CGRRF1: variants seen among roughly 807,000 people sequenced by gnomAD.
CGRRF1 encodes the protein cell growth regulator with RING finger domain protein 1.
Under a neutral mutation model 37.2 loss-of-function variants are expected in CGRRF1, and 32 were observed. The ratio of observed to expected loss-of-function variants is 0.86; its 90% CI spans 0.65 to 1.16. The LOEUF is 1.16. Among genes scored for constraint, CGRRF1 ranks in the 50% most tolerant of loss-of-function variants. The probability of loss-of-function intolerance (pLI) is 0.00; values close to 1 mark genes in which losing one functional copy is unlikely to be tolerated. For missense variants in CGRRF1, 391 were observed against 382.6 expected (o/e 1.02, Z -0.18); for synonymous variants, 141 against 140.3 (o/e 1.00, Z -0.04).
intron 1 of CGRRF1, among the ~76,000 whole-genome samples, chr14:54,515,687 A>C (rs1475195429): frequency 6.6e-6 from 1 of 152,212 alleles, no homozygotes; most frequent in Non-Finnish European, 1.5e-5. Flanking sequence ...TCCTGGTAAT[A>C]GTCTTTGCTC....
chr14:54,515,383 C>T (rs140765606), intron 1 of CGRRF1, among the ~76,000 whole-genome samples: 60 of 152,032 alleles, frequency 3.9e-4, no homozygotes, highest in East Asian at 3.1e-3. Context: ...TGAGTCACCG[C>T]GCCCGGCCGG....
Position 54,510,062 on chromosome 14 carries a change from T to C in CGRRF1, c.103T>C (p.Trp35Arg). 6.2e-7 allele frequency: 1 copy of C among 1,603,488 alleles called. No individual in the cohort carries two copies. Among genetic ancestry groups the C allele is most frequent in the Non-Finnish European group, 8.5e-7 (1 of 1,170,532 alleles). ...CGTGACCACCGGCCTGGTATTGGGA[T>C]GGTAAGTGTCCCAGGGGTGAGAGAC... ...FIVTTGLVLG[W>R]FGWDVPVILR... The change falls in exon 1 of 6, where the codon TGG becomes CGG. Residue 35 changes from tryptophan to arginine, a missense_variant and splice_region_variant. By Grantham distance (101) the Trp-to-Arg change is moderately radical. Coordinates refer to ENST00000216420, the MANE Select transcript of CGRRF1 (RefSeq NM_006568.3).
chr14:54,511,198 T>C (rs1019729626), intron 1 of CGRRF1, among the ~76,000 whole-genome samples: 1 of 152,192 alleles, frequency 6.6e-6, no homozygotes, highest in Non-Finnish European at 1.5e-5. Context: ...TGAAAATATA[T>C]GCCATCTTTA....
chr14:54,517,316 C>T (rs957898925), intron 1 of CGRRF1, among the ~76,000 whole-genome samples: 1 of 152,146 alleles, frequency 6.6e-6, no homozygotes, highest in Non-Finnish European at 1.5e-5. Flanking sequence ...TTAAGTTACT[C>T]AGAAATAGTT....
chr14:54,531,539 GAATA>G (rs1039448566), intron 4 of CGRRF1, among the ~76,000 whole-genome samples: 2 of 152,120 alleles, frequency 1.3e-5, no homozygotes, highest in Non-Finnish European at 2.9e-5. Flanking sequence ...GTTTAGCAGT[GAATA>G]AATAAGCACA....
At chr14:54,515,387 C>T (rs758317367) in intron 1 of CGRRF1, among the ~76,000 whole-genome samples, 7 of 151,920 alleles carry the variant, frequency 4.6e-5, no homozygotes, top group Non-Finnish European at 7.4e-5. Flanking sequence ...TCACCGCGCC[C>T]GGCCGGGTGA....
At chr14:54,530,604 A>G in intron 3 of CGRRF1, 2 of 851,234 alleles carry the variant, frequency 2.3e-6, no homozygotes, top group Non-Finnish European at 3.6e-6. Context: ...CATCTGATAT[A>G]CCCATTAGCA....
intron 4 of CGRRF1, among the ~76,000 whole-genome samples, chr14:54,533,802 T>C (rs1474347462): frequency 1.3e-5 from 2 of 152,114 alleles, no homozygotes; most frequent in African/African-American, 4.8e-5. Flanking sequence ...ATTGGCTTTT[T>C]TTCAGTATTA....
At chr14:54,531,083 T>C in intron 4 of CGRRF1, 33 bp downstream of exon 4, 1 of 1,493,290 alleles carries the variant, frequency 6.7e-7, no homozygotes, top group Non-Finnish European at 9.2e-7. Flanking sequence ...AGCATTACCT[T>C]TAAGTGATTT....
rs759203392 is a variant in CGRRF1 at position 54,522,624 on chromosome 14, C to T, written c.244+31C>T. 3 of 1,559,664 alleles carry T rather than the reference C, an allele frequency of 1.9e-6. No homozygotes were observed. The South Asian group carries it at 3.6e-5, about 19-fold the overall frequency. ...TGGCTGTTTTCCAAAGATTTTCTCT[C>T]ATTGTTTGCCCTCTTTTTTTAGCCC... On this transcript the variant is annotated intron_variant, in intron 2 of 5. Coordinates refer to ENST00000216420, the MANE Select transcript of CGRRF1 (RefSeq NM_006568.3).
At chr14:54,519,109 AT>A (rs1196854317) in intron 1 of CGRRF1, among the ~76,000 whole-genome samples, 12 of 151,392 alleles carry the variant, frequency 7.9e-5, no homozygotes, top group Admixed American at 2.6e-4. Context: ...TGCCCAGCTA[AT>A]TTTTTTTGTA....
chr14:54,526,656 A>G (rs1397387376), intron 2 of CGRRF1, among the ~76,000 whole-genome samples: 1 of 152,178 alleles, frequency 6.6e-6, no homozygotes, highest in East Asian at 1.9e-4. Flanking sequence ...ATATAAGTTG[A>G]GTTGAATTAA....
Position 54,510,763 on chromosome 14 carries a change from A to C in CGRRF1, c.104+700A>C, listed in dbSNP as rs74914903. On this transcript the variant is annotated intron_variant, in intron 1 of 5. Coordinates refer to ENST00000216420, the MANE Select transcript of CGRRF1 (RefSeq NM_006568.3). ...GCAATTCTTCTAGCCTAGAGGTTCA[A>C]TTTCTCTCTTGAGGAGATGCTATTG... 8.8e-3 allele frequency among the ~76,000 whole-genome samples: 1,334 copies of C among 152,300 alleles called. 23 individuals carry two copies. The highest frequency in any genetic ancestry group is 0.03 in the African/African-American group (1,245 of 41,554).
Position 54,538,993 on chromosome 14 carries a change from A to C in CGRRF1, c.*610A>C, listed in dbSNP as rs1265709186. 2 of 152,256 alleles carry C rather than the reference A, an allele frequency of 1.3e-5. No homozygotes were observed. Among genetic ancestry groups the C allele is most frequent in the Non-Finnish European group, 2.9e-5 (2 of 68,058 alleles). 9.4% of individuals were successfully genotyped at this position (152,256 alleles called of 1,614,324 possible). A position where few individuals can be genotyped will look rare whatever the true frequency, so the allele number is the denominator to read the frequency against. ...TCTTGACTGTTCTCCGTGTATTATA[A>C]AATGATACTCATCTATAGGAGGCAG... On this transcript the variant is annotated 3_prime_UTR_variant, in exon 6 of 6. Transcript: ENST00000216420.
At chr14:54,537,497 A>G (rs981924858) in intron 4 of CGRRF1, 2 of 322,380 alleles carry the variant, frequency 6.2e-6, no homozygotes, top group African/African-American at 4.3e-5. Context: ...GTACAATTAA[A>G]ATAACTCTGC....
intron 1 of CGRRF1, among the ~76,000 whole-genome samples, chr14:54,510,445 G>C (rs746009801): frequency 6.6e-6 from 1 of 152,218 alleles, no homozygotes; most frequent in Non-Finnish European, 1.5e-5. Context: ...GGATGAGTTA[G>C]TCACCTGTGC....
intron 2 of CGRRF1, 63 bp from the exon 3 acceptor site, chr14:54,529,986 C>G: frequency 1.5e-6 from 2 of 1,370,150 alleles, no homozygotes; most frequent in East Asian, 2.3e-5. Flanking sequence ...GTTACTCACC[C>G]TGTATGATTG....
Position 54,509,945 on chromosome 14 carries a change from C to G in CGRRF1, c.-15C>G, listed in dbSNP as rs777662762. The G allele has an allele frequency of 1.3e-5, 20 of 1,593,854 alleles. No individual in the cohort carries two copies. The highest frequency in any genetic ancestry group is 1.7e-5 in the Admixed American group (1 of 59,960). On this transcript the variant is annotated 5_prime_UTR_variant, in exon 1 of 6. Coordinates refer to ENST00000216420, the MANE Select transcript of CGRRF1 (RefSeq NM_006568.3). ...TCCGCGGCTGGAGCCGGGCTCTACCCAGAGCAAGACCCTGATGGCTGCGGT... is the reference window on the plus strand; with the variant it reads ...TCCGCGGCTGGAGCCGGGCTCTACCGAGAGCAAGACCCTGATGGCTGCGGT...
intron 1 of CGRRF1, among the ~76,000 whole-genome samples, chr14:54,518,007 C>T (rs1443859244): frequency 6.6e-6 from 1 of 152,182 alleles, no homozygotes; most frequent in African/African-American, 2.4e-5. Flanking sequence ...ACCACATTTT[C>T]TTCATCCAGT....
Sources: allele counts gnomAD v4.1 joint callset (sites outside exome capture counted in the v4.1 genomes callset), GRCh38; gene constraint gnomAD v4.1.1; transcripts MANE v1.5; gene names NCBI Gene and HGNC (gene_info 2026-07-23, HGNC 2026-07-21).